CCNC: variants seen among roughly 807,000 people sequenced by gnomAD.
CCNC encodes the protein cyclin C.
A neutral mutation model predicts 50.0 loss-of-function variants in CCNC; 19 were observed. The observed-to-expected ratio is 0.38, with a 90% CI of 0.27 to 0.56. CCNC has a LOEUF of 0.56. Ranked by LOEUF, CCNC falls within the 20% of genes least tolerant of loss-of-function variation. The probability of loss-of-function intolerance (pLI) is 0.72; values close to 1 mark genes in which losing one functional copy is unlikely to be tolerated. For synonymous variants in CCNC, 93 were observed against 103.7 expected (o/e 0.90, Z 0.63); for missense variants, 200 against 327.1 (o/e 0.61, Z 3.00).
At chr6:99,559,783 A>G (rs1802698435) in intron 4 of CCNC, among the ~76,000 whole-genome samples, 2 of 148,082 alleles carry the variant, frequency 1.4e-5, no homozygotes, top group South Asian at 4.2e-4. Context: ...ACAGTGGCAT[A>G]GTCTTGGCTC....
chr6:99,566,576 G>A (rs1417235405), intron 1 of CCNC, among the ~76,000 whole-genome samples: 1 of 152,060 alleles, frequency 6.6e-6, no homozygotes, highest in East Asian at 1.9e-4. Flanking sequence ...GTCACAGACT[G>A]TGTTTTGTTC....
At chr6:99,556,713 G>C (rs1406903067) in intron 5 of CCNC, among the ~76,000 whole-genome samples, 1 of 152,196 alleles carries the variant, frequency 6.6e-6, no homozygotes, top group Non-Finnish European at 1.5e-5. Context: ...CTGAGGTGAG[G>C]AGTTTAAAAC....
At chr6:99,557,329 G>C (rs772548954) in intron 5 of CCNC, 3 of 152,078 alleles carry the variant, frequency 2.0e-5, no homozygotes, top group African/African-American at 4.8e-5. Context: ...CATTGGCACA[G>C]TGTTTTCCAG....
intron 5 of CCNC, among the ~76,000 whole-genome samples, chr6:99,554,911 A>T (rs1333838910): frequency 6.6e-6 from 1 of 152,222 alleles, no homozygotes; most frequent in African/African-American, 2.4e-5. Context: ...TAACCCATGT[A>T]TATACACTTA....
intron 9 of CCNC, among the ~76,000 whole-genome samples, chr6:99,546,748 A>T (rs1246125550): frequency 6.6e-6 from 1 of 152,232 alleles, no homozygotes; most frequent in Admixed American, 6.5e-5. Flanking sequence ...GAGGAAAAAC[A>T]TCCAATGAGG....
intron 7 of CCNC, chr6:99,550,705 A>G (rs1802257052): frequency 4.1e-6 from 1 of 246,572 alleles, no homozygotes. Context: ...AATTGTGCAC[A>G]TAATTTATGG....
chr6:99,554,161 TG>T (rs1234144411), intron 5 of CCNC, among the ~76,000 whole-genome samples: 1 of 152,144 alleles, frequency 6.6e-6, no homozygotes, highest in African/African-American at 2.4e-5. Flanking sequence ...ATTTGTCTGA[TG>T]TTTTTCTCAT....
intron 6 of CCNC, among the ~76,000 whole-genome samples, 183 bp from the exon 7 acceptor site, chr6:99,551,211 A>G (rs1478455845): frequency 3.3e-5 from 5 of 152,138 alleles, no homozygotes; most frequent in Non-Finnish European, 7.4e-5. Flanking sequence ...AAAAATTACT[A>G]TTAGAAATGC....
Position 99,546,446 on chromosome 6 carries a change from C to T in CCNC, c.627G>A (p.Gln209=). Residue 209 remains glutamine, a synonymous_variant, in exon 10 of 12, where the codon CAG becomes CAA. Transcript: ENST00000520429. Reference sequence around the variant, plus strand: ...CAAACCATTGCCTGGCATCTTTCTGCTGTACAACACAGGCTACATGTAGGC... The same window carrying T: ...CAAACCATTGCCTGGCATCTTTCTGTTGTACAACACAGGCTACATGTAGGC... ...LACLHVACVV[Q]QKDARQWFAE... The T allele has an allele frequency of 6.2e-7, 1 of 1,613,354 alleles. No homozygotes were observed. The highest frequency in any genetic ancestry group is 1.1e-5 in the South Asian group (1 of 91,014).
At chr6:99,557,458 C>T (rs949005479) in intron 5 of CCNC, 2 of 152,060 alleles carry the variant, frequency 1.3e-5, no homozygotes, top group African/African-American at 4.8e-5. Flanking sequence ...GCCCTAACTC[C>T]TAGTACCTCA....
chr6:99,553,803 C>T (rs938502587), intron 5 of CCNC, among the ~76,000 whole-genome samples: 1 of 152,156 alleles, frequency 6.6e-6, no homozygotes, highest in Non-Finnish European at 1.5e-5. Flanking sequence ...TGAAAGCCAC[C>T]CAGTCTATGG....
At position 99,562,526 on chromosome 6, in the gene CCNC, A is replaced by G. The variant is rs928574414; in HGVS notation, c.139+316T>C. The G allele has an allele frequency of 2.8e-5, 6 of 211,424 alleles. No individual in the cohort carries two copies. The East Asian group carries it at 7.3e-4, about 26-fold the overall frequency. 13.1% of individuals were successfully genotyped at this position (211,424 alleles called of 1,614,324 possible). A position where few individuals can be genotyped will look rare whatever the true frequency, so the allele number is the denominator to read the frequency against. Reference sequence around the variant, plus strand: ...GAGAAACGACCACTATAGGATGTCAATCCAAAGAATCATTTATCCTCAAAG... The same window carrying G: ...GAGAAACGACCACTATAGGATGTCAGTCCAAAGAATCATTTATCCTCAAAG... On this transcript the variant is annotated intron_variant, in intron 2 of 11. Coordinates refer to ENST00000520429, the MANE Select transcript of CCNC (RefSeq NM_005190.4).
At chr6:99,544,042 T>C in intron 11 of CCNC, 1 of 1,239,012 alleles carries the variant, frequency 8.1e-7, no homozygotes. Context: ...AAAACTGTTG[T>C]CCAAAGGCAT....
chr6:99,567,920 A>T (rs1769212525), intron 1 of CCNC, among the ~76,000 whole-genome samples: 1 of 152,214 alleles, frequency 6.6e-6, no homozygotes, highest in African/African-American at 2.4e-5. Flanking sequence ...AATGAAATGG[A>T]TAAATTTAGA....
chr6:99,556,535 C>T (rs1473080701), intron 5 of CCNC, among the ~76,000 whole-genome samples: 1 of 152,192 alleles, frequency 6.6e-6, no homozygotes, highest in Non-Finnish European at 1.5e-5. Context: ...ATAAATAAAA[C>T]TGGCCAGGCA....
chr6:99,568,641 C>CCACTGATTAACTTTTTTGATAAATATGGA lies in CCNC; in HGVS notation c.-115_-114insTCCATATTTATCAAAAAAGTTAATCAGTG. ...CCTCGATCAAATCAGCTCGGCTCGA[C>CCACTGATTAACTTTTTTGATAAATATGGA]TCCGCTCCGCGGCGGCGACGGCGAA... is the stretch of plus-strand genomic sequence containing the variant. On this transcript the variant is annotated 5_prime_UTR_variant, in exon 1 of 12. Transcript: ENST00000520429. 6.5e-7 allele frequency: 1 copy of CCACTGATTAACTTTTTTGATAAATATGGA among 1,538,314 alleles called. No homozygotes were observed. The highest frequency in any genetic ancestry group is 2.1e-5 in the Admixed American group (1 of 48,558).
At chr6:99,561,216 G>A (rs565759867) in intron 4 of CCNC, 151 bp downstream of exon 4, 13 of 649,966 alleles carry the variant, frequency 2.0e-5, no homozygotes, top group Admixed American at 1.1e-4. Flanking sequence ...GAATATATAA[G>A]GATATGTATA....
intron 6 of CCNC, 21 bp downstream of exon 6, chr6:99,551,819 C>T (rs747845760): frequency 1.5e-6 from 2 of 1,313,188 alleles, no homozygotes; most frequent in South Asian, 1.6e-5. Flanking sequence ...ATAATTGTTC[C>T]ATTTTATATC....
At chr6:99,565,316 G>T (rs571034126) in intron 1 of CCNC, among the ~76,000 whole-genome samples, 171 of 152,014 alleles carry the variant, frequency 1.1e-3, no homozygotes, top group African/African-American at 3.9e-3. Flanking sequence ...TGCCACTATG[G>T]ACTTTTAAAG....
Sources: gnomAD v4.1 joint callset for allele counts (sites outside exome capture counted in the v4.1 genomes callset) on GRCh38, gnomAD v4.1.1 for gene constraint, MANE v1.5 for transcripts, NCBI Gene and HGNC (gene_info 2026-07-23, HGNC 2026-07-21) for gene names.